Variants in CCDC178 observed in about 807,000 individuals in gnomAD.
The protein encoded by CCDC178 is coiled-coil domain-containing protein 178.
CCDC178 carries 126 observed loss-of-function variants against 117.4 expected under a neutral mutation model. The observed-to-expected ratio is 1.07, with a 90% CI of 0.93 to 1.24. CCDC178 has a LOEUF of 1.24. Among genes scored for constraint, CCDC178 ranks in the 50% most tolerant of loss-of-function variants. The probability of loss-of-function intolerance (pLI) is 0.00; values close to 1 mark genes in which losing one functional copy is unlikely to be tolerated. For missense variants in CCDC178, 1,030 were observed against 986.9 expected, an observed-to-expected ratio of 1.04 and a Z score of -0.59; for synonymous variants, 283 against 313.4, an observed-to-expected ratio of 0.90 and a Z score of 1.02.
intron 20 of CCDC178, among the ~76,000 whole-genome samples, chr18:33,202,391 TAAAAAAAAAAAA>T (rs60997290): frequency 3.5e-4 from 7 of 20,256 alleles, no homozygotes; most frequent in African/African-American, 4.5e-4. Flanking sequence ...GACTCCATCT[TAAAAAAAAAAAA>T]AAAAAAAAAA....
intron 20 of CCDC178, among the ~76,000 whole-genome samples, chr18:33,135,219 G>A (rs921537914): frequency 6.6e-6 from 1 of 151,934 alleles, no homozygotes; most frequent in African/African-American, 2.4e-5. Context: ...CACAGTGAAA[G>A]TTAAACTTGG....
intron 11 of CCDC178, among the ~76,000 whole-genome samples, chr18:33,307,824 C>A (rs2062278247): frequency 1.3e-5 from 2 of 152,182 alleles, no homozygotes; most frequent in African/African-American, 2.4e-5. Context: ...GGGTGCAAGC[C>A]CCAAGCCTGG....
At chr18:33,114,074 A>T (rs867367441) in intron 20 of CCDC178, among the ~76,000 whole-genome samples, 1 of 152,064 alleles carries the variant, frequency 6.6e-6, no homozygotes, top group African/African-American at 2.4e-5. Context: ...ATCATAGGAG[A>T]TTGACAAAAA....
chr18:33,017,715 C>T (rs1353343165), intron 21 of CCDC178, among the ~76,000 whole-genome samples: 1 of 151,690 alleles, frequency 6.6e-6, no homozygotes, highest in Non-Finnish European at 1.5e-5. Context: ...ATAATCAAGA[C>T]AGTGGTAGTG....
intron 22 of CCDC178, among the ~76,000 whole-genome samples, chr18:32,961,011 T>C (rs2054693528): frequency 6.6e-6 from 1 of 152,132 alleles, no homozygotes; most frequent in Non-Finnish European, 1.5e-5. Context: ...ACCCAGGATA[T>C]GGTCTATATT....
At chr18:33,097,356 T>A (rs2057558104) in intron 20 of CCDC178, among the ~76,000 whole-genome samples, 1 of 152,056 alleles carries the variant, frequency 6.6e-6, no homozygotes, top group East Asian at 1.9e-4. Context: ...TGAAGATAAA[T>A]CTAACCCCTA....
intron 21 of CCDC178, 82 bp downstream of exon 21, chr18:33,092,679 G>T: frequency 2.3e-6 from 2 of 869,412 alleles, no homozygotes; most frequent in Non-Finnish European, 3.6e-6. Flanking sequence ...CAGATCAGAG[G>T]CACCCAAACT....
chr18:33,166,608 A>C (rs992666099), intron 20 of CCDC178, among the ~76,000 whole-genome samples: 1 of 152,208 alleles, frequency 6.6e-6, no homozygotes, highest in Non-Finnish European at 1.5e-5. Flanking sequence ...AGGAGATAAT[A>C]CAAATCCAAA....
intron 21 of CCDC178, among the ~76,000 whole-genome samples, chr18:32,999,820 C>T (rs1473937749): frequency 6.6e-6 from 1 of 151,796 alleles, no homozygotes; most frequent in Non-Finnish European, 1.5e-5. Flanking sequence ...CTATAGATAC[C>T]AAAACTCAGG....
chr18:32,948,635 A>G (rs2144615524), intron 22 of CCDC178, among the ~76,000 whole-genome samples: 1 of 152,226 alleles, frequency 6.6e-6, no homozygotes, highest in East Asian at 1.9e-4. Context: ...AAGTGATATT[A>G]TATCATTTAA....
intron 14 of CCDC178, among the ~76,000 whole-genome samples, chr18:33,260,610 T>G (rs2144744623): frequency 7.5e-6 from 1 of 132,548 alleles, no homozygotes; most frequent in South Asian, 2.3e-4. Context: ...TATTCATCAG[T>G]TTTTTTCTCT....
chr18:33,340,683 G>A (rs28786130), intron 9 of CCDC178, among the ~76,000 whole-genome samples: 11,123 of 152,174 alleles, frequency 0.073, 1,305 homozygotes, highest in African/African-American at 0.25. Context: ...CATAGAGCTC[G>A]GGTTGTGGCT....
chr18:33,027,280 T>C (rs2056247630), intron 21 of CCDC178, among the ~76,000 whole-genome samples: 2 of 151,682 alleles, frequency 1.3e-5, no homozygotes, highest in African/African-American at 4.8e-5. Context: ...ATAATGAAAC[T>C]ATCTCATTAT....
intron 21 of CCDC178, among the ~76,000 whole-genome samples, chr18:32,987,197 G>A (rs970597297): frequency 5.3e-5 from 8 of 151,776 alleles, no homozygotes; most frequent in Non-Finnish European, 1.0e-4. Flanking sequence ...TTTTCAGTTA[G>A]GACAGGCAGA....
In CCDC178 at chr18:33,109,221, T is replaced by C. The variant is rs560559138; in HGVS notation, c.2239-16311A>G. Among the ~76,000 whole-genome samples the C allele has an allele frequency of 4.6e-5, 7 of 151,800 alleles. No homozygotes were observed. The South Asian group carries it at 1.2e-3, about 27-fold the overall frequency. ...GAATACTAACCCACTATTACAAATATACATATATACAGATTGCTGGGTTTC... is the reference window on the plus strand; with the variant it reads ...GAATACTAACCCACTATTACAAATACACATATATACAGATTGCTGGGTTTC... On this transcript the variant is annotated intron_variant, in intron 20 of 22. Coordinates refer to ENST00000383096, the MANE Select transcript of CCDC178 (RefSeq NM_001105528.4).
At chr18:33,196,512 T>C (rs79339633) in intron 20 of CCDC178, among the ~76,000 whole-genome samples, 1,583 of 152,276 alleles carry the variant, frequency 0.01, 8 homozygotes, top group Non-Finnish European at 0.016. Context: ...TAGCAAATTA[T>C]TGAACCTCAG....
At position 33,346,223 on chromosome 18, in the gene CCDC178, C is replaced by T. The variant is rs745408194; in HGVS notation, c.646G>A (p.Ala216Thr). The T allele has an allele frequency of 9.3e-6, 15 of 1,611,316 alleles. No homozygotes were observed. Among genetic ancestry groups the T allele is most frequent in the Admixed American group, 1.7e-5 (1 of 59,876 alleles). Residue 216 changes from alanine (A) to threonine (T), a missense_variant, in exon 9 of 23, where the codon GCT (alanine) becomes ACT (threonine). Ala to Thr is a moderately conservative substitution (Grantham distance 58). Transcript: ENST00000383096. Reference protein sequence around the residue: ...SVWKLQELPLAVQKEHEAYLS... With the variant: ...SVWKLQELPLTVQKEHEAYLS... Reference sequence around the variant, plus strand: ...TCCCTATTATTACCTTTCTGCACAGCCAATGGGAGTTCTTGAAGTTTCCAG... The same window carrying T: ...TCCCTATTATTACCTTTCTGCACAGTCAATGGGAGTTCTTGAAGTTTCCAG...
chr18:33,116,284 G>C (rs2057855008), intron 20 of CCDC178, among the ~76,000 whole-genome samples: 1 of 152,074 alleles, frequency 6.6e-6, no homozygotes. Context: ...CATATGCTTT[G>C]GAAGGAAAAC....
At chr18:33,094,645 G>A (rs2145081071) in intron 20 of CCDC178, among the ~76,000 whole-genome samples, 1 of 151,790 alleles carries the variant, frequency 6.6e-6, no homozygotes, top group Admixed American at 6.6e-5. Context: ...GAACTTAATT[G>A]GGGAAATATT....
Sources: allele counts gnomAD v4.1 joint callset (sites outside exome capture counted in the v4.1 genomes callset), GRCh38; gene constraint gnomAD v4.1.1; transcripts MANE v1.5; gene names NCBI Gene and HGNC (gene_info 2026-07-23, HGNC 2026-07-21).